The following CPNE7 variants were observed in gnomAD, a reference collection of about 807,000 sequenced individuals.
The protein encoded by CPNE7 is copine-7.
A neutral mutation model predicts 66.5 loss-of-function variants in CPNE7; 78 were observed. The ratio of observed to expected loss-of-function variants is 1.17; its 90% CI spans 0.98 to 1.42. CPNE7 has a LOEUF of 1.42. Ranked by LOEUF, CPNE7 falls within the 40% of genes most tolerant of loss-of-function variation. CPNE7 has a pLI of 0.00. For missense variants in CPNE7, 1,012 were observed against 776.6 expected, an observed-to-expected ratio of 1.30 and a Z score of -3.60; for synonymous variants, 468 against 336.7, an observed-to-expected ratio of 1.39 and a Z score of -4.27.
intron 13 of CPNE7, among the ~76,000 whole-genome samples, chr16:89,592,810 C>CTTTTTTTTTTTTTT (rs57297283): frequency 1.2e-4 from 13 of 106,364 alleles, no homozygotes; most frequent in Non-Finnish European, 2.0e-4. Context: ...TTTTTCTTTT[C>CTTTTTTTTTTTTTT]TTTTTTTTTT....
At chr16:89,593,599 A>G (rs887452171) in intron 13 of CPNE7, among the ~76,000 whole-genome samples, 22 of 151,578 alleles carry the variant, frequency 1.5e-4, no homozygotes, top group Non-Finnish European at 2.2e-4. Context: ...TGATCCGCCC[A>G]CCTCGGCCTC....
chr16:89,579,630 C>T (rs1052952618), intron 2 of CPNE7, among the ~76,000 whole-genome samples: 1 of 150,350 alleles, frequency 6.7e-6, no homozygotes, highest in African/African-American at 2.5e-5. Context: ...CATCCCATCA[C>T]CCATCACATC....
chr16:89,591,380 G>C, intron 13 of CPNE7, 120 bp downstream of exon 13: 2 of 1,379,320 alleles, frequency 1.4e-6, no homozygotes, highest in Non-Finnish European at 1.9e-6. Flanking sequence ...CCCCAGGCAG[G>C]ACAGAGCTCA....
At chr16:89,589,718 A>G (rs1036609493) in intron 10 of CPNE7, among the ~76,000 whole-genome samples, 179 bp from the exon 11 acceptor site, 4 of 152,168 alleles carry the variant, frequency 2.6e-5, no homozygotes, top group Non-Finnish European at 4.4e-5. Flanking sequence ...CCTTGCACAC[A>G]GGCCTGTGCC....
At chr16:89,594,512 G>T (rs1025940193) in intron 13 of CPNE7, among the ~76,000 whole-genome samples, 9 of 152,174 alleles carry the variant, frequency 5.9e-5, no homozygotes, top group African/African-American at 2.2e-4. Flanking sequence ...GCTGCTGTGG[G>T]CTCCCGCTCT....
chr16:89,590,908 A>G (rs1163974896), intron 11 of CPNE7, 99 bp from the exon 12 acceptor site: 1 of 1,077,708 alleles, frequency 9.3e-7, no homozygotes, highest in Non-Finnish European at 1.2e-6. Context: ...ACTGGGGGAC[A>G]TGGGGGCTGG....
rs911328277 is a variant in CPNE7 at position 89,590,076 on chromosome 16, G to A, written c.1116+125G>A. 5 of 1,129,720 alleles carry A rather than the reference G, an allele frequency of 4.4e-6. No individual in the cohort carries two copies. The African/African-American group carries it at 6.2e-5, about 14-fold the overall frequency. The allele number at this position is 1,129,720 out of a possible 1,614,324, so 70.0% of individuals were successfully genotyped here. On this transcript the variant is annotated intron_variant, in intron 11 of 14. Transcript: ENST00000319518. ...AACCGGAGACTGTAGGATGGGATTG[G>A]GGTGCAAAGCGGGAACCCCAGCCTT...
intron 2 of CPNE7, among the ~76,000 whole-genome samples, chr16:89,579,808 C>T (rs1338791658): frequency 9.2e-6 from 1 of 108,602 alleles, no homozygotes; most frequent in African/African-American, 3.1e-5. Flanking sequence ...GAACATCTCA[C>T]CCGTCACACG....
At position 89,581,303 on chromosome 16, in the gene CPNE7, GTCACCCATCACACGGAACATCCCA is replaced by G. The variant is rs1407742162; in HGVS notation, c.358-2387_358-2364del. 4.9e-5 allele frequency among the ~76,000 whole-genome samples: 6 copies of G among 123,570 alleles called. No individual in the cohort carries two copies. The East Asian group carries it at 7.9e-4, about 16-fold the overall frequency. The allele number at this position is 123,570 out of a possible 152,430, so 81.1% of individuals were successfully genotyped here. On this transcript the variant is annotated intron_variant, in intron 2 of 14. Coordinates refer to ENST00000319518, the MANE Select transcript of CPNE7 (RefSeq NM_153636.3). ...TGTCACCAGTCACACAGAACATCCC[GTCACCCATCACACGGAACATCCCA>G]TCACCCGTCACACGGAACATCCCGT...
chr16:89,578,917 G>A (rs374006079), intron 2 of CPNE7: 3 of 1,613,914 alleles, frequency 1.9e-6, no homozygotes, highest in African/African-American at 1.3e-5. Context: ...GCTGGGCCCT[G>A]CTGGACACTG....
At position 89,583,818 on chromosome 16, in the gene CPNE7, G is replaced by A. The variant is rs761318109; in HGVS notation, c.432+47G>A. 3 of 1,601,244 alleles carry A rather than the reference G, an allele frequency of 1.9e-6. No individual in the cohort carries two copies. The Admixed American group carries it at 5.0e-5, about 27-fold the overall frequency. On this transcript the variant is annotated intron_variant, in intron 3 of 14. Transcript: ENST00000319518. ...GCAGCCTGCAGGCCCTGCTGCTGTG[G>A]CTCCGAGGGGTGTTGTGGGCGGAAG...
At chr16:89,587,420 C>A in intron 9 of CPNE7, 1 of 377,464 alleles carries the variant, frequency 2.6e-6, no homozygotes, top group Non-Finnish European at 5.3e-6. Context: ...GAGCCGATGT[C>A]TCCATGCGCG....
intron 7 of CPNE7, among the ~76,000 whole-genome samples, chr16:89,586,068 C>T (rs2059034137): frequency 8.6e-6 from 1 of 115,632 alleles, no homozygotes; most frequent in Admixed American, 9.2e-5. Context: ...GTGAGGGGGG[C>T]CTCTGGGGAG....
At chr16:89,585,296 C>T (rs1271281394) in intron 5 of CPNE7, among the ~76,000 whole-genome samples, 168 bp from the exon 6 acceptor site, 2 of 152,138 alleles carry the variant, frequency 1.3e-5, no homozygotes, top group African/African-American at 4.8e-5. Flanking sequence ...TGGCTTCGTG[C>T]AGGGAGTGGG....
At position 89,591,264 on chromosome 16, in the gene CPNE7, G is replaced by T; in HGVS notation, c.1302+4G>T. ...GGAGAGCACCGGGAAAGCCTCTGTA[G>T]GTGCCCGGGGGGTGTGGTGCATGCT... is the stretch of plus-strand genomic sequence containing the variant. On this transcript the variant is annotated splice_donor_region_variant and intron_variant, in intron 13 of 14. Transcript: ENST00000319518. 1 of 1,567,982 alleles carries T rather than the reference G, an allele frequency of 6.4e-7. No homozygotes were observed. Among genetic ancestry groups the T allele is most frequent in the South Asian group, 1.2e-5 (1 of 84,846 alleles).
At chr16:89,589,870 C>T in intron 10 of CPNE7, 27 bp from the exon 11 acceptor site, 2 of 1,613,232 alleles carry the variant, frequency 1.2e-6, no homozygotes, top group South Asian at 1.1e-5. Context: ...GTCAGGGCCT[C>T]CTGGTGACCT....
intron 13 of CPNE7, among the ~76,000 whole-genome samples, chr16:89,591,847 C>T (rs1253173176): frequency 5.3e-5 from 8 of 151,956 alleles, no homozygotes; most frequent in African/African-American, 1.9e-4. Flanking sequence ...ACTACAGGCG[C>T]CCGCCACCAC....
intron 1 of CPNE7, among the ~76,000 whole-genome samples, chr16:89,576,361 G>A (rs2058859633): frequency 6.6e-6 from 1 of 151,962 alleles, no homozygotes; most frequent in Admixed American, 6.5e-5. Flanking sequence ...AGGGGGCCCC[G>A]GGCCAGAGTG....
intron 7 of CPNE7, among the ~76,000 whole-genome samples, chr16:89,586,218 G>C (rs1282341593): frequency 6.6e-6 from 1 of 152,116 alleles, no homozygotes; most frequent in Non-Finnish European, 1.5e-5. Flanking sequence ...GGCTGAGGAT[G>C]GTGGACCCTG....
Sources: gnomAD v4.1 joint callset for allele counts (sites outside exome capture counted in the v4.1 genomes callset) on GRCh38, gnomAD v4.1.1 for gene constraint, MANE v1.5 for transcripts, NCBI Gene and HGNC (gene_info 2026-07-23, HGNC 2026-07-21) for gene names.